Variants in PCLAF observed in about 807,000 individuals in gnomAD.
PCLAF encodes the protein PCNA clamp associated factor, also known as PCNA-associated factor.
A neutral mutation model predicts 15.1 loss-of-function variants in PCLAF; 12 were observed. The observed-to-expected ratio is 0.79, with a 90% CI of 0.51 to 1.29. PCLAF has a LOEUF of 1.29. PCLAF is among the 50% of genes most tolerant of loss of function. The pLI is 0.00. For synonymous variants in PCLAF, 33 were observed against 47.1 expected, an observed-to-expected ratio of 0.70 and a Z score of 1.22; for missense variants, 116 against 130.9, an observed-to-expected ratio of 0.89 and a Z score of 0.56.
At chr15:64,376,938 T>C (rs992612528) in intron 2 of PCLAF, 33 bp from the exon 3 acceptor site, 7 of 1,563,834 alleles carry the variant, frequency 4.5e-6, no homozygotes, top group Non-Finnish European at 6.1e-6. Flanking sequence ...ACTAGATAAG[T>C]GCTAATAATA....
At chr15:64,387,569 A>T in exon 1 of PCLAF, 1 of 1,357,874 alleles carries the variant, frequency 7.4e-7, no homozygotes, top group Admixed American at 3.1e-5. Context: ...TTTTATAGGC[A>T]CTTGCACTGT....
chr15:64,377,365 G>C (rs1429596800), intron 2 of PCLAF, among the ~76,000 whole-genome samples: 1 of 148,610 alleles, frequency 6.7e-6, no homozygotes. Context: ...TACTTGGGAG[G>C]CTGAGGCAGG....
intron 3 of PCLAF, among the ~76,000 whole-genome samples, chr15:64,367,311 C>G (rs535268688): frequency 9.1e-4 from 138 of 151,990 alleles, no homozygotes; most frequent in Non-Finnish European, 1.3e-3. Context: ...CGAGACCAGC[C>G]TGGCCAACAT....
chr15:64,383,252 T>C (rs916913111), upstream of PCLAF, among the ~76,000 whole-genome samples: 1 of 152,204 alleles, frequency 6.6e-6, no homozygotes, highest in African/African-American at 2.4e-5. Flanking sequence ...AGTTTTGTCT[T>C]AACCTTGGTA....
intron 2 of PCLAF, among the ~76,000 whole-genome samples, chr15:64,377,959 C>A (rs1014099127): frequency 1.3e-5 from 2 of 149,610 alleles, no homozygotes; most frequent in African/African-American, 4.9e-5. Context: ...GAGACAGAGT[C>A]TCACTCTGTC....
chr15:64,367,847 C>T (rs1899111234), intron 3 of PCLAF, among the ~76,000 whole-genome samples: 1 of 151,818 alleles, frequency 6.6e-6, no homozygotes, highest in Non-Finnish European at 1.5e-5. Context: ...CGTGCCCAGC[C>T]TCATTACACT....
chr15:64,372,458 C>CA (rs1200599369), intron 3 of PCLAF, among the ~76,000 whole-genome samples: 2 of 149,966 alleles, frequency 1.3e-5, no homozygotes, highest in African/African-American at 4.9e-5. Flanking sequence ...ACTAAAAATA[C>CA]AAAAAATTAG....
intron 3 of PCLAF, among the ~76,000 whole-genome samples, chr15:64,372,259 C>G (rs1355471502): frequency 6.6e-6 from 1 of 152,134 alleles, no homozygotes; most frequent in African/African-American, 2.4e-5. Context: ...ATTAGTCATG[C>G]TTGGATTTGG....
At chr15:64,374,302 G>A (rs553442920) in intron 3 of PCLAF, among the ~76,000 whole-genome samples, 7 of 152,134 alleles carry the variant, frequency 4.6e-5, no homozygotes, top group Non-Finnish European at 7.3e-5. Flanking sequence ...AGCACTTTGG[G>A]AGGCCGAGGC....
intron 2 of PCLAF, among the ~76,000 whole-genome samples, chr15:64,378,033 C>A (rs1899684452): frequency 6.7e-6 from 1 of 149,116 alleles, no homozygotes. Context: ...CGGGTTCATG[C>A]CATTCTCCTG....
At chr15:64,386,221 TTGAC>T (rs1434864864), upstream of PCLAF, among the ~76,000 whole-genome samples, 3 of 152,156 alleles carry the variant, frequency 2.0e-5, no homozygotes, top group Admixed American at 6.6e-5. Flanking sequence ...ACAGAGTATT[TTGAC>T]TTTTTCTTAA....
upstream of PCLAF, among the ~76,000 whole-genome samples, chr15:64,384,326 G>T (rs887515639): frequency 2.6e-5 from 4 of 152,000 alleles, no homozygotes; most frequent in Non-Finnish European, 5.9e-5. Flanking sequence ...TAGAGACAGG[G>T]TTTTACCATG....
intron 2 of PCLAF, among the ~76,000 whole-genome samples, chr15:64,379,009 C>T (rs1899728070): frequency 6.6e-6 from 1 of 151,974 alleles, no homozygotes; most frequent in African/African-American, 2.4e-5. Flanking sequence ...ATTAAATTTC[C>T]TTATCTTTAA....
intron 1 of PCLAF, among the ~76,000 whole-genome samples, chr15:64,387,106 G>T (rs1899959040): frequency 6.6e-6 from 1 of 151,714 alleles, no homozygotes; most frequent in Non-Finnish European, 1.5e-5. Context: ...GAAAATACAT[G>T]GCTCAAAAAA....
At position 64,366,050 on chromosome 15, in the gene PCLAF, T is replaced by G. The variant is rs1323858376; in HGVS notation, c.316A>C (p.Thr106Pro). Reference protein sequence around the residue: ...RKACPLQPDHTNDEKE With the variant: ...RKACPLQPDHPNDEKE ...AAGTTCTATTCTTTTTCATCATTTG[T>G]GTGATCAGGTTGCAAAGGACATGCT... The change falls in exon 4 of 4, where the codon ACA (threonine) becomes CCA (proline). Residue 106 changes from threonine (T) to proline (P), a missense_variant. Coordinates refer to ENST00000300035, the MANE Select transcript of PCLAF (RefSeq NM_014736.6). 1.2e-6 allele frequency: 2 copies of G among 1,611,804 alleles called. No individual in the cohort carries two copies. The highest frequency in any genetic ancestry group is 2.7e-5 in the African/African-American group (2 of 74,894).
intron 2 of PCLAF, among the ~76,000 whole-genome samples, 193 bp downstream of exon 2, chr15:64,380,765 G>T (rs1270288744): frequency 6.6e-6 from 1 of 151,992 alleles, no homozygotes; most frequent in African/African-American, 2.4e-5. Context: ...TAACTCCAAG[G>T]CTTGAAATTC....
Position 64,377,488 on chromosome 15 carries a change from A to T in PCLAF, c.128-583T>A, listed in dbSNP as rs12912556. 1.1e-3 allele frequency among the ~76,000 whole-genome samples: 31 copies of T among 29,294 alleles called. 1 individual carries two copies. Among genetic ancestry groups the T allele is most frequent in the South Asian group, 7.1e-3 (3 of 424 alleles). The allele number at this position is 29,294 out of a possible 152,430, so 19.2% of individuals were successfully genotyped here. On this transcript the variant is annotated intron_variant, in intron 2 of 3. Coordinates refer to ENST00000300035, the MANE Select transcript of PCLAF (RefSeq NM_014736.6). ...TCTGTCTCAAAAAAAAAAAAAAAAA[A>T]ATATATATATATATATATATATATA...
upstream of PCLAF, among the ~76,000 whole-genome samples, chr15:64,384,745 A>C (rs1351347437): frequency 6.6e-6 from 1 of 151,792 alleles, no homozygotes; most frequent in African/African-American, 2.4e-5. Flanking sequence ...GTCTAAAAAA[A>C]AAAAAAAAAG....
At chr15:64,370,109 G>A (rs1181464189) in intron 3 of PCLAF, among the ~76,000 whole-genome samples, 8 of 150,942 alleles carry the variant, frequency 5.3e-5, no homozygotes, top group Non-Finnish European at 7.4e-5. Context: ...AACACAATCT[G>A]GCTCTGTCAC....
Sources: gnomAD v4.1 joint callset for allele counts (sites outside exome capture counted in the v4.1 genomes callset) on GRCh38, gnomAD v4.1.1 for gene constraint, MANE v1.5 for transcripts, NCBI Gene and HGNC (gene_info 2026-07-23, HGNC 2026-07-21) for gene names.